PLEKHG1: variants seen among roughly 807,000 people sequenced by gnomAD.
PLEKHG1 encodes pleckstrin homology domain-containing family G member 1.
Under a neutral mutation model 100.8 loss-of-function variants are expected in PLEKHG1, and 44 were observed. The ratio of observed to expected loss-of-function variants is 0.44; its 90% confidence interval spans 0.34 to 0.56. PLEKHG1 has a LOEUF of 0.56. Among genes scored for constraint, PLEKHG1 ranks in the 20% least tolerant of loss-of-function variants. PLEKHG1 has a pLI of 0.01. For missense variants in PLEKHG1, 1,545 were observed against 1,720.9 expected (o/e 0.90, Z 1.81); for synonymous variants, 640 against 662.5 (o/e 0.97, Z 0.52).
intron 10 of PLEKHG1, among the ~76,000 whole-genome samples, chr6:150,815,227 C>T (rs948321243): frequency 2.0e-5 from 3 of 152,160 alleles, no homozygotes; most frequent in African/African-American, 7.2e-5. Context: ...TATCACCAGT[C>T]TAATAATGTC....
intron 3 of PLEKHG1, among the ~76,000 whole-genome samples, chr6:150,684,343 C>A (rs1469203084): frequency 6.6e-6 from 1 of 152,178 alleles, no homozygotes; most frequent in East Asian, 1.9e-4. Flanking sequence ...CAACAAAGTG[C>A]GAGAAGTACT....
At chr6:150,669,454 C>T (rs1779511747) in intron 3 of PLEKHG1, among the ~76,000 whole-genome samples, 1 of 152,102 alleles carries the variant, frequency 6.6e-6, no homozygotes, top group Admixed American at 6.6e-5. Context: ...AACCCTTTAG[C>T]TAATGGATAA....
chr6:150,764,060 T>G (rs1277566227), intron 2 of PLEKHG1, among the ~76,000 whole-genome samples: 1 of 152,120 alleles, frequency 6.6e-6, no homozygotes, highest in African/African-American at 2.4e-5. Context: ...GTCTGCTGCA[T>G]GCATCACCTA....
intron 3 of PLEKHG1, among the ~76,000 whole-genome samples, chr6:150,669,831 C>T (rs1203521400): frequency 6.6e-6 from 1 of 152,114 alleles, no homozygotes; most frequent in Non-Finnish European, 1.5e-5. Flanking sequence ...CTCCTGACCT[C>T]AGGCGATCCA....
intron 7 of PLEKHG1, among the ~76,000 whole-genome samples, chr6:150,807,999 A>T (rs1787244766): frequency 6.6e-6 from 1 of 152,122 alleles, no homozygotes; most frequent in African/African-American, 2.4e-5. Flanking sequence ...AATGAATAAG[A>T]TCTAGCATTT....
chr6:150,664,959 C>CA (rs1480438753), intron 3 of PLEKHG1, among the ~76,000 whole-genome samples: 16 of 152,238 alleles, frequency 1.1e-4, no homozygotes, highest in African/African-American at 3.1e-4. Flanking sequence ...AGCCAGATGA[C>CA]AATAAGGCCA....
At chr6:150,605,922 C>G (rs1225940895) in intron 1 of PLEKHG1, 1 of 152,102 alleles carries the variant, frequency 6.6e-6, no homozygotes, top group Admixed American at 6.6e-5. Flanking sequence ...TATTTGTGCT[C>G]AATAAATACC....
chr6:150,655,707 CAAA>C (rs775753925), intron 3 of PLEKHG1, among the ~76,000 whole-genome samples: 3 of 38,358 alleles, frequency 7.8e-5, no homozygotes, highest in Admixed American at 3.4e-4. Flanking sequence ...GACTCCATCT[CAAA>C]AAAAAAAAAA....
intron 3 of PLEKHG1, among the ~76,000 whole-genome samples, chr6:150,674,634 T>TCTCTCCCTCC (rs1477724183): frequency 1.5e-5 from 1 of 68,596 alleles, no homozygotes; most frequent in Non-Finnish European, 3.1e-5. Flanking sequence ...CTCTCCTCCC[T>TCTCTCCCTCC]CTCTCTCTCT....
chr6:150,699,257 G>T (rs1780671546), intron 3 of PLEKHG1, among the ~76,000 whole-genome samples: 1 of 152,162 alleles, frequency 6.6e-6, no homozygotes. Flanking sequence ...AAAATAAAAA[G>T]TGCAAACAAC....
intron 3 of PLEKHG1, among the ~76,000 whole-genome samples, chr6:150,783,346 G>C (rs1283049726): frequency 6.6e-6 from 1 of 151,214 alleles, no homozygotes; most frequent in Non-Finnish European, 1.5e-5. Flanking sequence ...AAATATCAAA[G>C]ACATAATTCA....
At chr6:150,622,345 T>A (rs567637320) in intron 1 of PLEKHG1, among the ~76,000 whole-genome samples, 6 of 152,312 alleles carry the variant, frequency 3.9e-5, no homozygotes, top group South Asian at 2.1e-4. Flanking sequence ...AATTTTTTTT[T>A]AAATTTGCAA....
intron 3 of PLEKHG1, among the ~76,000 whole-genome samples, chr6:150,667,603 G>A (rs535104753): frequency 3.7e-4 from 57 of 152,306 alleles, no homozygotes; most frequent in Non-Finnish European, 7.2e-4. Flanking sequence ...TTTCCTATTT[G>A]CAACAGATTT....
chr6:150,714,061 T>C lies in PLEKHG1; in HGVS notation c.-98-19523T>C, dbSNP rs7747346. ...TTTAGAGTGTTTCAAAAGTATAGAT[T>C]GTGTTGAATGCCTTTACTTATGAAT... On this transcript the variant is annotated intron_variant, in intron 3 of 3. Coordinates refer to the PLEKHG1 transcript ENST00000367326. Among the ~76,000 whole-genome samples the C allele has an allele frequency of 1.2e-3, 182 of 152,294 alleles. 2 individuals carry two copies. The highest frequency in any genetic ancestry group is 4.2e-3 in the African/African-American group (175 of 41,562).
chr6:150,681,826 G>A (rs971180368), intron 3 of PLEKHG1, among the ~76,000 whole-genome samples: 3 of 152,044 alleles, frequency 2.0e-5, no homozygotes, highest in African/African-American at 7.2e-5. Context: ...AAACTTTGCC[G>A]CTCCTCAATT....
At chr6:150,718,387 T>C (rs1582996410), upstream of PLEKHG1, among the ~76,000 whole-genome samples, 1 of 152,036 alleles carries the variant, frequency 6.6e-6, no homozygotes, top group Admixed American at 6.5e-5. Context: ...AAGAAAATAC[T>C]GAAGTGTAGA....
At chr6:150,803,654 C>A (rs978643766) in intron 6 of PLEKHG1, among the ~76,000 whole-genome samples, 4 of 152,148 alleles carry the variant, frequency 2.6e-5, no homozygotes, top group African/African-American at 7.2e-5. Context: ...ACCATGAGAT[C>A]CTTCTCAACA....
In PLEKHG1 at chr6:150,805,061, G is replaced by A. The variant is rs1406062495; in HGVS notation, c.912+320G>A. ...AGCAGTTATTCCCCCTCAGCCTCCC[G>A]AGTAGCTGGGATTACAGGCATGTGC... is the stretch of plus-strand genomic sequence containing the variant. On this transcript the variant is annotated intron_variant, in intron 7 of 15. Coordinates refer to ENST00000358517, the Ensembl canonical transcript of PLEKHG1. Among the ~76,000 whole-genome samples, 10 of 151,622 alleles carry A rather than the reference G, an allele frequency of 6.6e-5. 1 individual carries two copies. The highest frequency in any genetic ancestry group is 6.3e-4 in the South Asian group (3 of 4,792).
intron 13 of PLEKHG1, among the ~76,000 whole-genome samples, chr6:150,823,301 T>A: frequency 6.6e-6 from 1 of 152,184 alleles, no homozygotes; most frequent in East Asian, 1.9e-4. Flanking sequence ...AGAAACAATA[T>A]CATCTTTACA....
Sources: gnomAD v4.1 joint callset for allele counts (sites outside exome capture counted in the v4.1 genomes callset) on GRCh38, gnomAD v4.1.1 for gene constraint, MANE v1.5 for transcripts, NCBI Gene and HGNC (gene_info 2026-07-23, HGNC 2026-07-21) for gene names.